The following TGIF2 variants were observed in gnomAD, a reference collection of about 807,000 sequenced individuals.
TGIF2 encodes TGFB induced factor homeobox 2.
Under a neutral mutation model 15.1 loss-of-function variants are expected in TGIF2, and 5 were observed. The observed-to-expected ratio is 0.33, with a 90% CI of 0.17 to 0.70. The LOEUF is 0.70. TGIF2 is among the 30% of genes least tolerant of loss of function. TGIF2 has a pLI of 0.67. For missense variants in TGIF2, 264 were observed against 302.5 expected (o/e 0.87, Z 0.94); for synonymous variants, 131 against 128.9 (o/e 1.02, Z -0.11).
chr20:36,574,505 C>T (rs934255264), intron 1 of TGIF2: 5 of 151,972 alleles, frequency 3.3e-5, no homozygotes, highest in African/African-American at 1.2e-4. Flanking sequence ...TCCCCTCCCC[C>T]TCCGGGCCCA....
rs772232186 is a variant in TGIF2, at chr20:36,578,860, C to T, written c.86C>T (p.Ser29Leu). The T allele has an allele frequency of 1.9e-6, 3 of 1,614,116 alleles. No homozygotes were observed. Among genetic ancestry groups the T allele is most frequent in the South Asian group, 1.1e-5 (1 of 91,072 alleles). The stretch of plus-strand genomic sequence containing the variant: ...CGCAGGGGGAACCTGCCCAAGGAGT[C>T]GGTGAAGATCCTCCGGGACTGGCTG... ...RKRRGNLPKE[S>L]VKILRDWLYL... Residue 29 changes from serine to leucine, a missense_variant, in exon 2 of 3, where the codon TCG becomes TTG. Physicochemically the swap from Ser to Leu is moderately radical, Grantham distance 145. Transcript: ENST00000373872.
chr20:36,578,631 A>G (rs939688407), intron 1 of TGIF2, 110 bp from the exon 2 acceptor site: 51 of 1,233,328 alleles, frequency 4.1e-5, no homozygotes, highest in South Asian at 2.7e-4. Flanking sequence ...CTGAATTGCA[A>G]CTACCCCATT....
chr20:36,587,964 G>A (rs1277452471), intron 2 of TGIF2, among the ~76,000 whole-genome samples: 1 of 152,058 alleles, frequency 6.6e-6, no homozygotes, highest in Non-Finnish European at 1.5e-5. Flanking sequence ...CAGCTACTCG[G>A]GAGGCTGAGG....
chr20:36,591,586 C>A lies in TGIF2; in HGVS notation c.*155C>A. The stretch of plus-strand genomic sequence containing the variant: ...TTCAACAGGAAGATGCCAGCTGGCA[C>A]CACTGCACTGTGATGGGGGCCCTCT... On this transcript the variant is annotated 3_prime_UTR_variant, in exon 3 of 3. Coordinates refer to ENST00000373872, the MANE Select transcript of TGIF2 (RefSeq NM_021809.7). This position sits in a 1 kb window ranked among gnomAD's most constrained non-coding sequence, Gnocchi z 5.3. 1 of 825,796 alleles carries A rather than the reference C, an allele frequency of 1.2e-6. No homozygotes were observed. The highest frequency in any genetic ancestry group is 1.9e-6 in the Non-Finnish European group (1 of 536,098). 51.2% of individuals were successfully genotyped at this position (825,796 alleles called of 1,614,324 possible). A position where few individuals can be genotyped will look rare whatever the true frequency, so the allele number is the denominator to read the frequency against.
At chr20:36,577,431 G>C (rs1355691555) in intron 1 of TGIF2, among the ~76,000 whole-genome samples, 1 of 150,060 alleles carries the variant, frequency 6.7e-6, no homozygotes, top group African/African-American at 2.5e-5. Flanking sequence ...GGCTGGTCTC[G>C]AACTCCTGAC....
At chr20:36,587,994 C>T (rs1442757764) in intron 2 of TGIF2, among the ~76,000 whole-genome samples, 8 of 151,788 alleles carry the variant, frequency 5.3e-5, no homozygotes, top group Non-Finnish European at 1.5e-5. Context: ...TACCTAAACC[C>T]AGGAGGTCAA....
At chr20:36,588,322 C>T (rs1054204185) in intron 2 of TGIF2, among the ~76,000 whole-genome samples, 1 of 147,040 alleles carries the variant, frequency 6.8e-6, no homozygotes, top group African/African-American at 2.5e-5. Flanking sequence ...TTGTTCCCTT[C>T]CTTCATCCCA....
At chr20:36,578,700 C>A in intron 1 of TGIF2, 41 bp from the exon 2 acceptor site, 1 of 1,510,118 alleles carries the variant, frequency 6.6e-7, no homozygotes. Context: ...AAAGGCGGTA[C>A]GTGCTAATGA....
At chr20:36,581,320 C>A (rs1327599329) in intron 2 of TGIF2, among the ~76,000 whole-genome samples, 1 of 152,190 alleles carries the variant, frequency 6.6e-6, no homozygotes, top group South Asian at 2.1e-4. Context: ...CACATTCTTA[C>A]CCTCGAGGAG....
chr20:36,585,977 G>T (rs1226687730), intron 2 of TGIF2, among the ~76,000 whole-genome samples: 2 of 152,186 alleles, frequency 1.3e-5, no homozygotes, highest in South Asian at 4.1e-4. Flanking sequence ...CCATACCGGG[G>T]CAGGGGCAGC....
At chr20:36,579,687 G>C (rs2038505093) in intron 2 of TGIF2, among the ~76,000 whole-genome samples, 1 of 152,116 alleles carries the variant, frequency 6.6e-6, no homozygotes. Context: ...TCCAGGAAAG[G>C]GCAGAAGTCA....
At chr20:36,579,563 G>A (rs1203819791) in intron 2 of TGIF2, among the ~76,000 whole-genome samples, 5 of 152,178 alleles carry the variant, frequency 3.3e-5, no homozygotes, top group Non-Finnish European at 7.3e-5. Flanking sequence ...AAGATGAGAA[G>A]GCATCGAGCA....
chr20:36,587,133 G>A (rs890392763), intron 2 of TGIF2, among the ~76,000 whole-genome samples: 2 of 152,224 alleles, frequency 1.3e-5, no homozygotes, highest in Non-Finnish European at 2.9e-5. Flanking sequence ...CACAGGCTGG[G>A]CAGCTGGAAG....
intron 2 of TGIF2, 72 bp downstream of exon 2, chr20:36,579,038 A>G: frequency 1.3e-6 from 2 of 1,546,548 alleles, no homozygotes; most frequent in Non-Finnish European, 1.7e-6. Flanking sequence ...TGTGTCACTG[A>G]GTCACTGTGG....
At position 36,591,462 on chromosome 20, in the gene TGIF2, A is replaced by G. The variant is rs1421087646; in HGVS notation, c.*31A>G. On this transcript the variant is annotated 3_prime_UTR_variant, in exon 3 of 3. Transcript: ENST00000373872. The surrounding 1 kb of genome is among the most constrained non-coding windows in gnomAD (Gnocchi z 5.3). ...TGCCAAGAAGGGTGCTGAAGGCTCC[A>G]GCCAGCTGTCCTGGGTTTCCGTTTT... 6.4e-7 allele frequency: 1 copy of G among 1,567,624 alleles called. No homozygotes were observed. The highest frequency in any genetic ancestry group is 1.4e-5 in the African/African-American group (1 of 73,076).
intron 2 of TGIF2, among the ~76,000 whole-genome samples, chr20:36,582,283 C>T (rs190296580): frequency 2.0e-5 from 3 of 152,146 alleles, no homozygotes; most frequent in Admixed American, 1.3e-4. Flanking sequence ...CCCATCTCCC[C>T]GCAAGATGTT....
In TGIF2 at chr20:36,591,605, G is replaced by T. The variant is rs1456580855; in HGVS notation, c.*174G>T. On this transcript the variant is annotated 3_prime_UTR_variant, in exon 3 of 3. Coordinates refer to ENST00000373872, the MANE Select transcript of TGIF2 (RefSeq NM_021809.7). This position sits in a 1 kb window ranked among gnomAD's most constrained non-coding sequence, Gnocchi z 5.3. The stretch of plus-strand genomic sequence containing the variant: ...CTGGCACCACTGCACTGTGATGGGG[G>T]CCCTCTCCTCTGCTGACTCTGCCGT... 6 of 676,570 alleles carry T rather than the reference G, an allele frequency of 8.9e-6. No individual in the cohort carries two copies. In the East Asian group the frequency reaches 1.6e-4, roughly 19 times the overall value. 41.9% of individuals were successfully genotyped at this position (676,570 alleles called of 1,614,324 possible). A position where few individuals can be genotyped will look rare whatever the true frequency, so the allele number is the denominator to read the frequency against.
chr20:36,587,115 G>A (rs1223591227), intron 2 of TGIF2, among the ~76,000 whole-genome samples: 1 of 152,196 alleles, frequency 6.6e-6, no homozygotes, highest in Non-Finnish European at 1.5e-5. Context: ...TTCTTTTCCT[G>A]ACTTAGGCAC....
chr20:36,590,257 G>C (rs562437377), intron 2 of TGIF2, among the ~76,000 whole-genome samples: 5 of 151,296 alleles, frequency 3.3e-5, no homozygotes, highest in Admixed American at 2.6e-4. Flanking sequence ...GTGCCCAGCC[G>C]GGGGAGGGTC....
Sources: gnomAD v4.1 joint callset for allele counts (sites outside exome capture counted in the v4.1 genomes callset) on GRCh38, gnomAD v4.1.1 for gene constraint, Gnocchi (gnomAD v3.1) non-coding constraint, MANE v1.5 for transcripts, NCBI Gene and HGNC (gene_info 2026-07-23, HGNC 2026-07-21) for gene names.